The following PTPRM variants were observed in gnomAD, a reference collection of about 807,000 sequenced individuals.
The protein encoded by PTPRM is protein tyrosine phosphatase receptor type M, also known as receptor-type tyrosine-protein phosphatase mu.
In PTPRM, 47 loss-of-function variants were observed where a neutral mutation model predicts 186.7. That is an observed-to-expected ratio of 0.25 (90% CI 0.20 to 0.32). The LOEUF (loss-of-function observed/expected upper bound fraction) is 0.32, where lower values mean the gene tolerates loss of function less well. PTPRM is among the 10% of genes least tolerant of loss of function. The probability of loss-of-function intolerance (pLI) is 1.00; values close to 1 mark genes in which losing one functional copy is unlikely to be tolerated. For synonymous variants in PTPRM, 668 were observed against 674.9 expected, an observed-to-expected ratio of 0.99 and a Z score of 0.16; for missense variants, 1,494 against 1,865.0, an observed-to-expected ratio of 0.80 and a Z score of 3.66.
intron 2 of PTPRM, among the ~76,000 whole-genome samples, chr18:7,806,989 G>A (rs1050858526): frequency 6.6e-6 from 1 of 152,168 alleles, no homozygotes; most frequent in East Asian, 1.9e-4. Flanking sequence ...ACCTCCCTTT[G>A]GGGTAGCTAC....
chr18:7,818,795 TGA>T (rs2045000086), intron 2 of PTPRM, among the ~76,000 whole-genome samples: 1 of 152,164 alleles, frequency 6.6e-6, no homozygotes, highest in Non-Finnish European at 1.5e-5. Context: ...CACAAATGAA[TGA>T]GAGAGGATTT....
chr18:8,077,061 T>A (rs931256219), intron 9 of PTPRM, among the ~76,000 whole-genome samples: 22 of 152,180 alleles, frequency 1.4e-4, no homozygotes, highest in African/African-American at 5.3e-4. Context: ...CATAGTTTTG[T>A]CTACTGAGGC....
chr18:7,871,503 C>A (rs923296321), intron 2 of PTPRM, among the ~76,000 whole-genome samples: 3 of 152,204 alleles, frequency 2.0e-5, no homozygotes, highest in Non-Finnish European at 4.4e-5. Flanking sequence ...AGACTGGAAG[C>A]TTCTGAGGGG....
intron 7 of PTPRM, among the ~76,000 whole-genome samples, chr18:8,055,198 T>C (rs1454240344): frequency 6.6e-6 from 1 of 152,178 alleles, no homozygotes; most frequent in Non-Finnish European, 1.5e-5. Context: ...TCTCAGACAT[T>C]ATGTCTTCAG....
intron 8 of PTPRM, among the ~76,000 whole-genome samples, chr18:8,074,456 G>A (rs1029855506): frequency 2.0e-5 from 3 of 152,186 alleles, no homozygotes; most frequent in Non-Finnish European, 2.9e-5. Context: ...AAATCTACCA[G>A]TGTTTAACCA....
At position 8,148,910 on chromosome 18, in the gene PTPRM, C is replaced by G. The variant is rs574085735; in HGVS notation, c.2300+5131C>G. On this transcript the variant is annotated intron_variant, in intron 14 of 32. Coordinates refer to ENST00000580170, the MANE Select transcript of PTPRM (RefSeq NM_001105244.2). ...TTTCTGCCTTCATTTCATTATTTAC[C>G]CAGTAGTCATTCAGGAGCAGGTTGT... 3.3e-5 allele frequency among the ~76,000 whole-genome samples: 5 copies of G among 152,108 alleles called. No individual in the cohort carries two copies. The South Asian group carries it at 1.0e-3, about 32-fold the overall frequency.
Position 8,170,424 on chromosome 18 carries a change from G to A in PTPRM, c.2300+26645G>A, listed in dbSNP as rs532565838. 2.0e-5 allele frequency among the ~76,000 whole-genome samples: 3 copies of A among 150,580 alleles called. No individual in the cohort carries two copies. In the South Asian group the frequency reaches 6.3e-4, roughly 32 times the overall value. On this transcript the variant is annotated intron_variant, in intron 14 of 32. Coordinates refer to ENST00000580170, the MANE Select transcript of PTPRM (RefSeq NM_001105244.2). ...AAATTTGTAAATGAGCTGAGCGTTT[G>A]TTGTTATTAAAGCTTCATTTTACCA...
chr18:7,770,584 A>G (rs1168969793), intron 1 of PTPRM, among the ~76,000 whole-genome samples: 1 of 152,184 alleles, frequency 6.6e-6, no homozygotes, highest in Non-Finnish European at 1.5e-5. Context: ...GGTACATGTT[A>G]TCTCTGTTTT....
chr18:8,390,622 C>T (rs1232541929), intron 31 of PTPRM, among the ~76,000 whole-genome samples: 4 of 152,178 alleles, frequency 2.6e-5, no homozygotes, highest in Non-Finnish European at 5.9e-5. Context: ...TTGACAGGTA[C>T]TTCACTGAAG....
intron 1 of PTPRM, among the ~76,000 whole-genome samples, chr18:7,601,574 G>A (rs987498137): frequency 1.3e-5 from 2 of 152,184 alleles, no homozygotes; most frequent in Admixed American, 6.5e-5. Context: ...CTCTGCCTCC[G>A]TCTTCACATC....
rs145483276 is a variant in PTPRM at position 7,957,477 on chromosome 18, C to T, written c.1132+2063C>T. On this transcript the variant is annotated intron_variant, in intron 7 of 32. Coordinates refer to ENST00000580170, the MANE Select transcript of PTPRM (RefSeq NM_001105244.2). Reference sequence around the variant, plus strand: ...TAAACCAGGAAGCCTAATGACGATGCGCCCTTTCCTCTTAACTGTTTGCAG... The same window carrying T: ...TAAACCAGGAAGCCTAATGACGATGTGCCCTTTCCTCTTAACTGTTTGCAG... Among the ~76,000 whole-genome samples, 335 of 152,298 alleles carry T rather than the reference C, an allele frequency of 2.2e-3. 3 individuals carry two copies. The highest frequency in any genetic ancestry group is 7.6e-3 in the African/African-American group (317 of 41,560).
chr18:8,012,603 G>A (rs80304434), intron 7 of PTPRM, among the ~76,000 whole-genome samples: 1,682 of 152,274 alleles, frequency 0.011, 12 homozygotes, highest in Non-Finnish European at 0.019. Context: ...ACATGTGACT[G>A]TACTGAGTAC....
intron 1 of PTPRM, among the ~76,000 whole-genome samples, chr18:7,672,867 T>C (rs1433239963): frequency 6.6e-6 from 1 of 152,186 alleles, no homozygotes; most frequent in Non-Finnish European, 1.5e-5. Context: ...TGGAGGCCCC[T>C]GATGTTGGAG....
chr18:8,201,999 A>T (rs1247530938), intron 14 of PTPRM, among the ~76,000 whole-genome samples: 1 of 152,196 alleles, frequency 6.6e-6, no homozygotes, highest in East Asian at 1.9e-4. Flanking sequence ...CCACATGTTT[A>T]CTGACTTCAT....
In PTPRM at chr18:7,910,852, A is replaced by T. The variant is rs146336930; in HGVS notation, c.547+4269A>T. On this transcript the variant is annotated intron_variant, in intron 4 of 32. Coordinates refer to ENST00000580170, the MANE Select transcript of PTPRM (RefSeq NM_001105244.2). ...TGTCACTTGGGTGTGGAAAGTTGGG[A>T]TTTTCCTTTTGATTTAGTTCTAGGA... 1.0e-3 allele frequency among the ~76,000 whole-genome samples: 159 copies of T among 151,944 alleles called. 1 individual carries two copies. Among genetic ancestry groups the T allele is most frequent in the African/African-American group, 3.8e-3 (156 of 41,438 alleles).
intron 1 of PTPRM, among the ~76,000 whole-genome samples, chr18:7,583,473 A>G (rs2036897852): frequency 6.6e-6 from 1 of 152,172 alleles, no homozygotes; most frequent in Non-Finnish European, 1.5e-5. Context: ...TTGGGTCCAA[A>G]GCGCATGTTA....
chr18:7,859,656 C>T (rs962081729), intron 2 of PTPRM, among the ~76,000 whole-genome samples: 1 of 152,224 alleles, frequency 6.6e-6, no homozygotes, highest in African/African-American at 2.4e-5. Context: ...GGATGGCTGC[C>T]AGAGGGACCA....
chr18:7,770,199 A>G (rs1773308561), intron 1 of PTPRM, among the ~76,000 whole-genome samples: 3 of 152,160 alleles, frequency 2.0e-5, no homozygotes, highest in Non-Finnish European at 4.4e-5. Flanking sequence ...GTATTTTTAG[A>G]AATGCGTCCT....
chr18:7,735,417 T>C (rs1242926381), intron 1 of PTPRM, among the ~76,000 whole-genome samples: 1 of 152,038 alleles, frequency 6.6e-6, no homozygotes, highest in Non-Finnish European at 1.5e-5. Flanking sequence ...AGGGAGACTC[T>C]GTCTCAAAAG....
Sources: gnomAD v4.1 joint callset for allele counts (sites outside exome capture counted in the v4.1 genomes callset) on GRCh38, gnomAD v4.1.1 for gene constraint, MANE v1.5 for transcripts, NCBI Gene and HGNC (gene_info 2026-07-23, HGNC 2026-07-21) for gene names.